MCF2L2: variants seen among roughly 807,000 people sequenced by gnomAD.
MCF2L2 encodes the protein MCF.2 cell line derived transforming sequence-like 2, also known as probable guanine nucleotide exchange factor MCF2L2.
A neutral mutation model predicts 150.2 loss-of-function variants in MCF2L2; 102 were observed. That is an observed-to-expected ratio of 0.68 (90% CI 0.58 to 0.80). MCF2L2 has a LOEUF of 0.80. Ranked by LOEUF, MCF2L2 falls within the 30% of genes least tolerant of loss-of-function variation. The probability of loss-of-function intolerance (pLI) is 0.00; values close to 1 mark genes in which losing one functional copy is unlikely to be tolerated. For missense variants in MCF2L2, 1,256 were observed against 1,372.8 expected (o/e 0.91, Z 1.34); for synonymous variants, 465 against 491.3 (o/e 0.95, Z 0.71).
chr3:183,415,658 T>C (rs79627607), intron 1 of MCF2L2, among the ~76,000 whole-genome samples: 2,208 of 152,338 alleles, frequency 0.014, 52 homozygotes, highest in African/African-American at 0.051. Context: ...TTAAGTCTAC[T>C]GTATCTGATA....
In MCF2L2 at chr3:183,428,492, C is replaced by A. The variant is rs1420375079; in HGVS notation, c.-515G>T. ...CCCGGGGCTCTCGGGGAGGCACGCA[C>A]GCTCCCAAGCGCCGCTCGTTTTGGG... On this transcript the variant is annotated 5_prime_UTR_variant, in exon 1 of 30. Coordinates refer to ENST00000328913, the MANE Select transcript of MCF2L2 (RefSeq NM_015078.4). The surrounding 1 kb of genome is among the most constrained non-coding windows in gnomAD (Gnocchi z 5.1). 6.5e-6 allele frequency: 1 copy of A among 154,188 alleles called. No homozygotes were observed. Among genetic ancestry groups the A allele is most frequent in the Non-Finnish European group, 1.4e-5 (1 of 69,642 alleles). The allele number at this position is 154,188 out of a possible 1,614,324, so 9.6% of individuals were successfully genotyped here. A position where few individuals can be genotyped will look rare whatever the true frequency, so the allele number is the denominator to read the frequency against.
At chr3:183,348,058 C>T (rs933140729) in intron 3 of MCF2L2, among the ~76,000 whole-genome samples, 3 of 152,194 alleles carry the variant, frequency 2.0e-5, no homozygotes, top group African/African-American at 7.2e-5. Context: ...CGGGTATATA[C>T]CCAAAGGATT....
intron 3 of MCF2L2, among the ~76,000 whole-genome samples, chr3:183,342,538 C>G (rs1241836318): frequency 6.6e-6 from 1 of 151,876 alleles, no homozygotes; most frequent in Non-Finnish European, 1.5e-5. Flanking sequence ...AGTTACTTAA[C>G]CCCTGTAGTT....
At chr3:183,304,118 C>A (rs749052491) in intron 10 of MCF2L2, among the ~76,000 whole-genome samples, 3 of 152,234 alleles carry the variant, frequency 2.0e-5, no homozygotes, top group Non-Finnish European at 2.9e-5. Flanking sequence ...TCAGACTTCA[C>A]CTTCTCCAGA....
At chr3:183,376,631 C>G (rs1713202086) in intron 3 of MCF2L2, 1 of 152,224 alleles carries the variant, frequency 6.6e-6, no homozygotes, top group Admixed American at 6.5e-5. Context: ...GTCTTAGGGT[C>G]CTGGCTGGGT....
chr3:183,264,103 A>T (rs1725873978), intron 15 of MCF2L2, among the ~76,000 whole-genome samples: 1 of 152,162 alleles, frequency 6.6e-6, no homozygotes, highest in Non-Finnish European at 1.5e-5. Context: ...TATAACAAAC[A>T]AAACCAGAAA....
chr3:183,181,746 C>G lies in MCF2L2; in HGVS notation c.3017-1587G>C, dbSNP rs1164687239. Among the ~76,000 whole-genome samples the G allele has an allele frequency of 1.3e-5, 2 of 152,122 alleles. No homozygotes were observed. Among genetic ancestry groups the G allele is most frequent in the Non-Finnish European group, 2.9e-5 (2 of 68,010 alleles). Reference sequence around the variant, plus strand: ...GTCTCCAGGGTCCATGGCCTCTGTGCCCCGGATGATGCCAGGGCTGCTAGG... The same window carrying G: ...GTCTCCAGGGTCCATGGCCTCTGTGGCCCGGATGATGCCAGGGCTGCTAGG... On this transcript the variant is annotated intron_variant, in intron 27 of 29. Transcript: ENST00000328913. This position sits in a 1 kb window ranked among gnomAD's most constrained non-coding sequence, Gnocchi z 4.3.
chr3:183,270,779 A>T lies in MCF2L2; in HGVS notation c.1862+6093T>A. 9.9e-6 allele frequency: 16 copies of T among 1,614,002 alleles called. No homozygotes were observed. Among genetic ancestry groups the T allele is most frequent in the Non-Finnish European group, 1.3e-5 (15 of 1,179,984 alleles). On this transcript the variant is annotated intron_variant, in intron 15 of 29. Transcript: ENST00000328913. This position sits in a 1 kb window ranked among gnomAD's most constrained non-coding sequence, Gnocchi z 4.5. ...TGATGACATCTCATGGACACTTAGA[A>T]GATCTCCAGGACCTTTGGAAGAATG...
chr3:183,224,219 A>G, intron 18 of MCF2L2, 29 bp from the exon 19 acceptor site: 1 of 1,436,106 alleles, frequency 7.0e-7, no homozygotes. Context: ...GAATAAATTA[A>G]TCAGGCAGCA....
chr3:183,368,350 C>T (rs756992396), intron 3 of MCF2L2, among the ~76,000 whole-genome samples: 6 of 152,182 alleles, frequency 3.9e-5, no homozygotes, highest in Admixed American at 6.5e-5. Flanking sequence ...AAATCCACCC[C>T]ACTCTCATCT....
At chr3:183,240,839 T>C (rs1723989286) in intron 15 of MCF2L2, among the ~76,000 whole-genome samples, 2 of 152,252 alleles carry the variant, frequency 1.3e-5, no homozygotes, top group South Asian at 4.1e-4. Context: ...TTCCACTTTC[T>C]TTCAAGTTCT....
At chr3:183,307,993 C>A (rs555906678) in intron 10 of MCF2L2, among the ~76,000 whole-genome samples, 1 of 152,344 alleles carries the variant, frequency 6.6e-6, no homozygotes, top group East Asian at 1.9e-4. Flanking sequence ...AGATCTCAGA[C>A]CAAAGGTCGT....
At chr3:183,393,133 T>C (rs1714253881) in intron 1 of MCF2L2, among the ~76,000 whole-genome samples, 1 of 151,600 alleles carries the variant, frequency 6.6e-6, no homozygotes. Flanking sequence ...CAGAGGTCTG[T>C]GGAGGCTTCC....
chr3:183,406,857 GA>G (rs970834456), intron 1 of MCF2L2, among the ~76,000 whole-genome samples: 2 of 150,668 alleles, frequency 1.3e-5, no homozygotes, highest in African/African-American at 2.4e-5. Context: ...TTTTTGCAGA[GA>G]AAAAAAAATG....
chr3:183,307,896 C>T (rs1351976857), intron 10 of MCF2L2, among the ~76,000 whole-genome samples: 1 of 152,236 alleles, frequency 6.6e-6, no homozygotes, highest in East Asian at 1.9e-4. Context: ...TCACCAAGCT[C>T]ATTTCCACTT....
chr3:183,255,357 G>T (rs576829741), intron 15 of MCF2L2, among the ~76,000 whole-genome samples: 1 of 152,330 alleles, frequency 6.6e-6, no homozygotes, highest in African/African-American at 2.4e-5. Flanking sequence ...CAAGTGAGGA[G>T]GTGAAAGCTG....
In MCF2L2 at chr3:183,224,199, G is replaced by GA; in HGVS notation, c.2116-10dup. 1 of 1,556,312 alleles carries GA rather than the reference G, an allele frequency of 6.4e-7. No individual in the cohort carries two copies. On this transcript the variant is annotated splice_polypyrimidine_tract_variant and intron_variant, in intron 18 of 29. Transcript: ENST00000328913. ...ATCTGAAGATCTTCTTTCTAGGTGG[G>GA]AAAAAATTAGAATAAATTAATCAGG...
chr3:183,331,650 G>T (rs1730276670), intron 5 of MCF2L2, among the ~76,000 whole-genome samples: 1 of 152,096 alleles, frequency 6.6e-6, no homozygotes, highest in Non-Finnish European at 1.5e-5. Flanking sequence ...AGACTGCCTT[G>T]GTGACTTCAC....
intron 3 of MCF2L2, chr3:183,373,501 T>G (rs1713007167): frequency 7.2e-6 from 1 of 138,586 alleles, no homozygotes; most frequent in Admixed American, 6.8e-5. Flanking sequence ...GCACATTCAC[T>G]GCCACCTCAC....
Sources: allele counts gnomAD v4.1 joint callset (sites outside exome capture counted in the v4.1 genomes callset), GRCh38; gene constraint gnomAD v4.1.1; non-coding constraint Gnocchi (gnomAD v3.1); transcripts MANE v1.5; gene names NCBI Gene and HGNC (gene_info 2026-07-23, HGNC 2026-07-21).